The following TAPT1 variants were observed in gnomAD, a reference collection of about 807,000 sequenced individuals.
TAPT1 encodes transmembrane anterior posterior transformation 1, also known as transmembrane anterior posterior transformation protein 1 homolog.
A neutral mutation model predicts 65.6 loss-of-function variants in TAPT1; 28 were observed. That is an observed-to-expected ratio of 0.43 (90% CI 0.32 to 0.59). TAPT1 has a LOEUF of 0.59. TAPT1 is among the 20% of genes least tolerant of loss of function. The pLI is 0.09. For synonymous variants in TAPT1, 278 were observed against 245.2 expected (o/e 1.13, Z -1.25); for missense variants, 563 against 679.9 (o/e 0.83, Z 1.91).
intron 3 of TAPT1, among the ~76,000 whole-genome samples, chr4:16,199,597 T>C (rs1282080006): frequency 6.8e-6 from 1 of 146,292 alleles, no homozygotes; most frequent in Non-Finnish European, 1.5e-5. Flanking sequence ...ACTTTAAGAA[T>C]TTTTTTTTTT....
chr4:16,167,447 T>C (rs1747716885), intron 12 of TAPT1, among the ~76,000 whole-genome samples: 1 of 152,248 alleles, frequency 6.6e-6, no homozygotes, highest in South Asian at 2.1e-4. Flanking sequence ...ACCCTTATGA[T>C]AATCACTGTG....
At chr4:16,180,074 C>T (rs1297699807) in intron 7 of TAPT1, among the ~76,000 whole-genome samples, 1 of 152,086 alleles carries the variant, frequency 6.6e-6, no homozygotes, top group Non-Finnish European at 1.5e-5. Flanking sequence ...TATAAAATCC[C>T]AGACTATTTC....
At chr4:16,198,214 G>T (rs184936492) in intron 3 of TAPT1, among the ~76,000 whole-genome samples, 3 of 152,188 alleles carry the variant, frequency 2.0e-5, no homozygotes, top group Non-Finnish European at 2.9e-5. Context: ...TGGCAAGTTT[G>T]CAGAAGAACT....
intron 12 of TAPT1, among the ~76,000 whole-genome samples, chr4:16,168,545 C>T (rs1026159225): frequency 6.6e-6 from 1 of 152,240 alleles, no homozygotes; most frequent in Non-Finnish European, 1.5e-5. Flanking sequence ...AGCCTACGCT[C>T]TTCCCAGGTG....
At chr4:16,174,796 C>CTTTATTATTAAATGTT in intron 9 of TAPT1, 67 bp from the exon 10 acceptor site, 2 of 1,116,782 alleles carry the variant, frequency 1.8e-6, no homozygotes, top group Non-Finnish European at 2.5e-6. Context: ...AAGACTGCAA[C>CTTTATTATTAAATGTT]TTTATTAATA....
At chr4:16,180,250 A>C (rs1748635092) in intron 7 of TAPT1, among the ~76,000 whole-genome samples, 1 of 152,234 alleles carries the variant, frequency 6.6e-6, no homozygotes, top group Non-Finnish European at 1.5e-5. Flanking sequence ...TGCTGAGATT[A>C]GGTGGAAGGA....
chr4:16,185,409 C>T (rs1273354789), intron 7 of TAPT1, among the ~76,000 whole-genome samples: 1 of 150,920 alleles, frequency 6.6e-6, no homozygotes, highest in Non-Finnish European at 1.5e-5. Context: ...ACTCTAGTCA[C>T]CCAGGCTGGA....
chr4:16,196,659 A>G, intron 3 of TAPT1: 1 of 1,287,302 alleles, frequency 7.8e-7, no homozygotes, highest in Non-Finnish European at 1.0e-6. Context: ...TTTACTCACC[A>G]CAAGGAGTCC....
chr4:16,220,896 T>C (rs1751214906), intron 1 of TAPT1, among the ~76,000 whole-genome samples: 1 of 152,096 alleles, frequency 6.6e-6, no homozygotes, highest in Admixed American at 6.5e-5. Context: ...TGGCACAATC[T>C]TGGCTCACTG....
intron 4 of TAPT1, among the ~76,000 whole-genome samples, chr4:16,189,097 T>A (rs939615979): frequency 3.9e-5 from 6 of 152,154 alleles, no homozygotes; most frequent in Non-Finnish European, 5.9e-5. Context: ...GAATAAAATA[T>A]GCAGATTTAC....
intron 1 of TAPT1, among the ~76,000 whole-genome samples, chr4:16,217,424 T>A (rs995886726): frequency 1.3e-5 from 2 of 152,114 alleles, no homozygotes; most frequent in African/African-American, 4.8e-5. Context: ...GAATTAGACA[T>A]AAAACGGAGT....
intron 2 of TAPT1, among the ~76,000 whole-genome samples, chr4:16,205,697 G>T (rs1209051096): frequency 6.6e-6 from 1 of 151,994 alleles, no homozygotes; most frequent in Non-Finnish European, 1.5e-5. Flanking sequence ...ACTAGATTTT[G>T]CCAGGCAGTA....
intron 2 of TAPT1, among the ~76,000 whole-genome samples, chr4:16,209,306 G>T (rs1050066485): frequency 6.6e-6 from 1 of 152,016 alleles, no homozygotes; most frequent in Admixed American, 6.6e-5. Flanking sequence ...CACTTGTCAC[G>T]TTGTATCCTG....
In TAPT1 at chr4:16,166,694, G is replaced by A. The variant is rs200861922; in HGVS notation, c.1413C>T (p.Pro471=). The A allele has an allele frequency of 1.6e-4, 258 of 1,613,956 alleles. No individual in the cohort carries two copies. The highest frequency in any genetic ancestry group is 6.6e-5 in the South Asian group (6 of 91,076). The change falls in exon 13 of 14, where the codon CCC becomes CCT. Residue 471 remains proline, a synonymous_variant. Coordinates refer to ENST00000405303, the MANE Select transcript of TAPT1 (RefSeq NM_153365.3). The stretch of plus-strand genomic sequence containing the variant: ...ACGGCTTGCCTGGAGTGCAGGTTGC[G>A]GGAGGATTCGACAGCTTCTCTTCCA... ...AKMEEKLSNP[P]ATCTPGKPSS... is the part of the protein sequence containing the mutation.
intron 1 of TAPT1, among the ~76,000 whole-genome samples, chr4:16,216,607 T>G (rs1439728209): frequency 6.6e-6 from 1 of 152,220 alleles, no homozygotes; most frequent in Non-Finnish European, 1.5e-5. Flanking sequence ...ACATACTTGC[T>G]GCCCTAGAAG....
chr4:16,166,991 C>CTCTTTTT (rs758182176), intron 12 of TAPT1, 198 bp from the exon 13 acceptor site: 229 of 160,658 alleles, frequency 1.4e-3, no homozygotes, highest in Non-Finnish European at 2.3e-3. Flanking sequence ...CCTTAGTTCT[C>CTCTTTTT]TTTTTTTTTT....
chr4:16,172,833 T>G (rs1209319002), intron 11 of TAPT1, among the ~76,000 whole-genome samples: 1 of 151,976 alleles, frequency 6.6e-6, no homozygotes. Flanking sequence ...TTTTGTTGTT[T>G]TTTTTTTTGA....
At chr4:16,212,698 C>G (rs11736827) in intron 2 of TAPT1, among the ~76,000 whole-genome samples, 5 of 152,074 alleles carry the variant, frequency 3.3e-5, no homozygotes, top group Non-Finnish European at 5.9e-5. Flanking sequence ...TGATCCTTGC[C>G]AAAGGCAATC....
In TAPT1 at chr4:16,179,642, A is replaced by T. The variant is rs1187375742; in HGVS notation, c.932T>A (p.Phe311Tyr). 2.6e-6 allele frequency: 4 copies of T among 1,536,500 alleles called. No homozygotes were observed. The highest frequency in any genetic ancestry group is 2.5e-5 in the South Asian group (2 of 80,768). ...QMSNSDIKER[F>Y]TNYVLLLIVC... ...TATCAGTAAAAGCACATAATTTGTG[A>T]ATCGTTCCTTAATATCTAAAAGAAA... Residue 311 changes from phenylalanine (F) to tyrosine (Y), a missense_variant, in exon 8 of 14, where the codon TTC becomes TAC. Around this residue, in one of 5 missense-constraint regions of TAPT1, gnomAD observed 217 missense variants for 317.5 expected, o/e 0.68. Coordinates refer to ENST00000405303, the MANE Select transcript of TAPT1 (RefSeq NM_153365.3).
Sources: gnomAD v4.1 joint callset for allele counts (sites outside exome capture counted in the v4.1 genomes callset) on GRCh38, gnomAD v4.1.1 for gene constraint, gnomAD v4.1.1 regional missense constraint, MANE v1.5 for transcripts, NCBI Gene and HGNC (gene_info 2026-07-23, HGNC 2026-07-21) for gene names.